CLDN16: variants seen among roughly 807,000 people sequenced by gnomAD.
CLDN16 encodes the protein claudin-16.
Under a neutral mutation model 24.6 loss-of-function variants are expected in CLDN16, and 13 were observed. That is an observed-to-expected ratio of 0.53 (90% CI 0.34 to 0.84). The LOEUF is 0.84. Ranked by LOEUF, CLDN16 falls within the 40% of genes least tolerant of loss-of-function variation. CLDN16 has a pLI of 0.01. For missense variants in CLDN16, 298 were observed against 292.7 expected (o/e 1.02, Z -0.13); for synonymous variants, 116 against 106.7 (o/e 1.09, Z -0.54).
chr3:190,389,791 T>C (rs1718603879), intron 1 of CLDN16, among the ~76,000 whole-genome samples: 1 of 152,218 alleles, frequency 6.6e-6, no homozygotes, highest in African/African-American at 2.4e-5. Flanking sequence ...TGCCATTATC[T>C]AGATGGCCAG....
chr3:190,324,480 C>A (rs911434264), intron 1 of CLDN16, among the ~76,000 whole-genome samples: 2 of 151,908 alleles, frequency 1.3e-5, no homozygotes, highest in East Asian at 3.9e-4. Context: ...AAGACCCCAT[C>A]TCAACAAATA....
chr3:190,408,081 T>C (rs915596942), intron 3 of CLDN16, among the ~76,000 whole-genome samples: 2 of 152,200 alleles, frequency 1.3e-5, no homozygotes, highest in African/African-American at 4.8e-5. Flanking sequence ...CTGTGTTATT[T>C]CATTTTTGCA....
chr3:190,392,509 A>G (rs1462185187), intron 1 of CLDN16, among the ~76,000 whole-genome samples: 2 of 152,142 alleles, frequency 1.3e-5, no homozygotes, highest in Non-Finnish European at 2.9e-5. Context: ...TCCCTAGGCT[A>G]CTGCCAGTGT....
At chr3:190,400,081 G>T (rs1035170674) in intron 1 of CLDN16, among the ~76,000 whole-genome samples, 7 of 152,174 alleles carry the variant, frequency 4.6e-5, no homozygotes, top group African/African-American at 1.4e-4. Flanking sequence ...ACCGGTCCCT[G>T]GTGCCAAAAA....
intron 1 of CLDN16, among the ~76,000 whole-genome samples, chr3:190,395,851 G>T (rs1718806333): frequency 6.6e-6 from 1 of 152,012 alleles, no homozygotes; most frequent in African/African-American, 2.4e-5. Context: ...TACAAAATCT[G>T]CTGTGTATAT....
chr3:190,308,351 G>A, the CLDN16 span: 16 of 1,613,712 alleles, frequency 9.9e-6, no homozygotes, highest in East Asian at 2.2e-5. Context: ...GTTGTTTTTC[G>A]GGGACAGGAA....
the CLDN16 span, among the ~76,000 whole-genome samples, chr3:190,293,250 C>T: frequency 3.3e-5 from 5 of 152,146 alleles, no homozygotes; most frequent in Non-Finnish European, 7.3e-5. Context: ...CATGAGAACA[C>T]TCACTATCAC....
chr3:190,402,163 A>G (rs1179724875), intron 1 of CLDN16, among the ~76,000 whole-genome samples, 174 bp from the exon 2 acceptor site: 2 of 152,204 alleles, frequency 1.3e-5, no homozygotes, highest in South Asian at 2.1e-4. Context: ...TTCAATTGTC[A>G]GTGCTTAAGG....
At chr3:190,325,852 C>G (rs960988407) in intron 1 of CLDN16, among the ~76,000 whole-genome samples, 2 of 152,138 alleles carry the variant, frequency 1.3e-5, no homozygotes, top group African/African-American at 2.4e-5. Flanking sequence ...AAGCAATCTG[C>G]TGTGTAATTA....
intron 1 of CLDN16, among the ~76,000 whole-genome samples, chr3:190,352,610 C>T (rs150380234): frequency 1.3e-5 from 2 of 152,076 alleles, no homozygotes; most frequent in South Asian, 2.1e-4. Flanking sequence ...TGCGAAAAGT[C>T]GCACAGAAAA....
At chr3:190,408,776 A>G (rs1719173812) in intron 4 of CLDN16, among the ~76,000 whole-genome samples, 1 of 148,852 alleles carries the variant, frequency 6.7e-6, no homozygotes, top group African/African-American at 2.5e-5. Context: ...ACAATTATAC[A>G]TATATACATA....
At chr3:190,363,567 T>C (rs1360146747) in intron 1 of CLDN16, among the ~76,000 whole-genome samples, 1,799 of 121,908 alleles carry the variant, frequency 0.015, 139 homozygotes, top group Non-Finnish European at 0.018. Flanking sequence ...TATATATATA[T>C]ATATATATAT....
chr3:190,391,468 C>T (rs912854534), intron 1 of CLDN16, among the ~76,000 whole-genome samples: 62 of 152,068 alleles, frequency 4.1e-4, no homozygotes, highest in Non-Finnish European at 4.1e-4. Flanking sequence ...AAGAAATAAA[C>T]GAAGTATCAT....
chr3:190,380,814 A>C (rs1718355245), intron 3 of CLDN16, among the ~76,000 whole-genome samples: 1 of 152,050 alleles, frequency 6.6e-6, no homozygotes, highest in Non-Finnish European at 1.5e-5. Flanking sequence ...AATTAGTAAA[A>C]TTTTTAGTTG....
chr3:190,342,240 A>G (rs990728577), intron 1 of CLDN16, among the ~76,000 whole-genome samples: 5 of 152,204 alleles, frequency 3.3e-5, no homozygotes, highest in African/African-American at 1.2e-4. Context: ...TGATAAGGAC[A>G]TACCTGAGAC....
At chr3:190,318,998 C>T (rs1010063217), upstream of CLDN16, among the ~76,000 whole-genome samples, 3 of 152,132 alleles carry the variant, frequency 2.0e-5, no homozygotes, top group South Asian at 6.2e-4. Context: ...GAGAGAGAGT[C>T]TAGCCTAACC....
At chr3:190,318,574 A>G (rs906571999), upstream of CLDN16, among the ~76,000 whole-genome samples, 1 of 152,200 alleles carries the variant, frequency 6.6e-6, no homozygotes, top group Non-Finnish European at 1.5e-5. Flanking sequence ...AGGGAGATCA[A>G]GTGGCTCACC....
At chr3:190,332,001 C>G (rs559279142) in intron 1 of CLDN16, among the ~76,000 whole-genome samples, 15 of 152,258 alleles carry the variant, frequency 9.9e-5, no homozygotes, top group Admixed American at 3.9e-4. Context: ...CTGGTTCACT[C>G]TCTTTACCTC....
chr3:190,306,399 G>A, the CLDN16 span: 100,242 of 151,988 alleles, frequency 0.66, 34,029 homozygotes, highest in African/African-American at 0.82. Flanking sequence ...CATTTTTTTT[G>A]TTTTCAAACA....
Sources: allele counts gnomAD v4.1 joint callset (sites outside exome capture counted in the v4.1 genomes callset), GRCh38; gene constraint gnomAD v4.1.1; transcripts MANE v1.5; gene names NCBI Gene and HGNC (gene_info 2026-07-23, HGNC 2026-07-21).